Variants in NAF1 observed in about 807,000 individuals in gnomAD.
NAF1 encodes H/ACA ribonucleoprotein complex non-core subunit NAF1.
A neutral mutation model predicts 40.6 loss-of-function variants in NAF1; 11 were observed. The observed-to-expected ratio is 0.27, with a 90% CI of 0.17 to 0.45. The LOEUF (loss-of-function observed/expected upper bound fraction) is 0.45, where lower values mean the gene tolerates loss of function less well. Ranked by LOEUF, NAF1 falls within the 20% of genes least tolerant of loss-of-function variation. The probability of loss-of-function intolerance (pLI) is 1.00; values close to 1 mark genes in which losing one functional copy is unlikely to be tolerated. For missense variants in NAF1, 607 were observed against 611.1 expected, an observed-to-expected ratio of 0.99 and a Z score of 0.07; for synonymous variants, 260 against 228.5, an observed-to-expected ratio of 1.14 and a Z score of -1.24.
At chr4:163,158,767 A>G (rs1194650415) in intron 2 of NAF1, among the ~76,000 whole-genome samples, 1 of 152,112 alleles carries the variant, frequency 6.6e-6, no homozygotes, top group African/African-American at 2.4e-5. Context: ...TTGAGTGCAT[A>G]TTTCATCAAC....
intron 7 of NAF1, among the ~76,000 whole-genome samples, chr4:163,132,497 T>A (rs144536204): frequency 6.6e-6 from 1 of 152,232 alleles, no homozygotes; most frequent in African/African-American, 2.4e-5. Context: ...ACTTCACTTA[T>A]ATAACTTTCT....
At chr4:163,122,568 T>C (rs1488417568), downstream of NAF1, among the ~76,000 whole-genome samples, 2 of 152,246 alleles carry the variant, frequency 1.3e-5, no homozygotes, top group African/African-American at 4.8e-5. Flanking sequence ...TTGGAATTTA[T>C]ATGACTTAAC....
At chr4:163,117,536 C>G (rs1730376154) in intron 2 of NAF1, 1 of 150,980 alleles carries the variant, frequency 6.6e-6, no homozygotes, top group African/African-American at 2.4e-5. Context: ...TTTTTTCATA[C>G]TTTCAAGTAA....
Position 163,144,039 on chromosome 4 carries a change from C to A in NAF1, c.717+1743G>T, listed in dbSNP as rs887344570. ...CACTCCATCAATATAATACAGAGTC[C>A]TCTAGAAAATCATCACATCCTACCA... is the stretch of plus-strand genomic sequence containing the variant. On this transcript the variant is annotated intron_variant, in intron 4 of 7. Coordinates refer to ENST00000274054, the MANE Select transcript of NAF1 (RefSeq NM_138386.3). 4 of 976,464 alleles carry A rather than the reference C, an allele frequency of 4.1e-6. No homozygotes were observed. The African/African-American group carries it at 5.3e-5, about 13-fold the overall frequency. The allele number at this position is 976,464 out of a possible 1,614,324, so 60.5% of individuals were successfully genotyped here.
At chr4:163,122,870 A>G (rs141511825), downstream of NAF1, among the ~76,000 whole-genome samples, 80 of 152,336 alleles carry the variant, frequency 5.3e-4, no homozygotes, top group Admixed American at 2.1e-3. Flanking sequence ...GTGTGAGCCA[A>G]TAAATTTCTG....
downstream of NAF1, among the ~76,000 whole-genome samples, chr4:163,125,522 A>G (rs1730630758): frequency 6.6e-6 from 1 of 152,200 alleles, no homozygotes; most frequent in Non-Finnish European, 1.5e-5. Flanking sequence ...AGCGGGCCCT[A>G]ACTCTCTTCG....
At chr4:163,155,245 T>C (rs1371324760) in intron 2 of NAF1, among the ~76,000 whole-genome samples, 1 of 152,240 alleles carries the variant, frequency 6.6e-6, no homozygotes, top group Admixed American at 6.5e-5. Flanking sequence ...AATATTTCTG[T>C]ATTTACTTAA....
Position 163,166,432 on chromosome 4 carries a change from G to C in NAF1, c.296C>G (p.Pro99Arg). 1 of 1,607,874 alleles carries C rather than the reference G, an allele frequency of 6.2e-7. No homozygotes were observed. Among genetic ancestry groups the C allele is most frequent in the Non-Finnish European group, 8.5e-7 (1 of 1,177,128 alleles). Residue 99 changes from proline to arginine, a missense_variant, in exon 1 of 8, where the codon CCA becomes CGA. Physicochemically the swap from Pro to Arg is moderately radical, Grantham distance 103. This residue lies in a region of NAF1 where 407 missense variants were observed against 365.5 expected (regional missense o/e 1.11). Transcript: ENST00000274054. ...SPACGDCVTS[P>R]GAAEPARAPD... ...CGCCCGCGCAGGCTCTGCGGCTCCTGGGGAGGTGACGCAGTCTCCGCAGGC... is the reference window on the plus strand; with the variant it reads ...CGCCCGCGCAGGCTCTGCGGCTCCTCGGGAGGTGACGCAGTCTCCGCAGGC...
rs770083037 is a variant in NAF1, at chr4:163,128,890, T to C, written c.*7A>G. On this transcript the variant is annotated 3_prime_UTR_variant, in exon 8 of 8. Transcript: ENST00000274054. ...AAGTCCACATTTCTCTGGAAATGCA[T>C]AGTCACCTAATAGTAAGGTCCAAAA... The C allele has an allele frequency of 3.4e-6, 5 of 1,490,286 alleles. No individual in the cohort carries two copies. The highest frequency in any genetic ancestry group is 2.3e-5 in the East Asian group (1 of 43,016). 92.3% of individuals were successfully genotyped at this position (1,490,286 alleles called of 1,614,324 possible). A position where few individuals can be genotyped will look rare whatever the true frequency, so the allele number is the denominator to read the frequency against.
In NAF1 at chr4:163,165,805, T is replaced by TA. The variant is rs1732433245; in HGVS notation, c.365+557dup. ...AAGGGGGAAAGGCTCTCACAAAACG[T>TA]AAGAAGCATAAGATACTACTAAATA... On this transcript the variant is annotated intron_variant, in intron 1 of 7. Transcript: ENST00000274054. Among the ~76,000 whole-genome samples, 3 of 152,248 alleles carry TA rather than the reference T, an allele frequency of 2.0e-5. No individual in the cohort carries two copies. The South Asian group carries it at 6.2e-4, about 32-fold the overall frequency.
At chr4:163,114,295 C>A (rs527984045) in intron 2 of NAF1, among the ~76,000 whole-genome samples, 9 of 152,334 alleles carry the variant, frequency 5.9e-5, no homozygotes, top group Admixed American at 5.9e-4. Flanking sequence ...CTGGGCAGAG[C>A]TAGAAGCTAG....
chr4:163,116,155 T>C (rs76437475), intron 2 of NAF1, among the ~76,000 whole-genome samples: 3,511 of 152,258 alleles, frequency 0.023, 133 homozygotes, highest in African/African-American at 0.065. Context: ...TTGATTGATA[T>C]TGAGTTAATG....
At position 163,153,518 on chromosome 4, in the gene NAF1, G is replaced by GTT. The variant is rs1441049386; in HGVS notation, c.541-5086_541-5085dup. ...ATCGGCACTCTGTATCTAGCTCAAGGTTTGTAAACACACCAATCAGCACCC... is the reference window on the plus strand; with the variant it reads ...ATCGGCACTCTGTATCTAGCTCAAGGTTTTTGTAAACACACCAATCAGCACCC... On this transcript the variant is annotated intron_variant, in intron 2 of 7. Coordinates refer to ENST00000274054, the MANE Select transcript of NAF1 (RefSeq NM_138386.3). 5.3e-5 allele frequency among the ~76,000 whole-genome samples: 8 copies of GTT among 151,622 alleles called. No individual in the cohort carries two copies. In the East Asian group the frequency reaches 1.4e-3, roughly 26 times the overall value.
downstream of NAF1, among the ~76,000 whole-genome samples, chr4:163,127,393 G>A (rs1437901959): frequency 1.3e-5 from 2 of 152,068 alleles, no homozygotes; most frequent in East Asian, 3.9e-4. Context: ...GCCTCCCAAA[G>A]CGCTGGGATT....
chr4:163,122,001 T>C (rs558491713), downstream of NAF1, among the ~76,000 whole-genome samples: 7 of 152,226 alleles, frequency 4.6e-5, no homozygotes, highest in South Asian at 2.1e-4. Flanking sequence ...GTACGAAGCA[T>C]TGAGCCAGTT....
chr4:163,107,056 G>A (rs1033488194), downstream of NAF1, among the ~76,000 whole-genome samples: 3 of 151,624 alleles, frequency 2.0e-5, no homozygotes, highest in African/African-American at 7.3e-5. Flanking sequence ...GTGCAATCTC[G>A]GCTCACTGCA....
chr4:163,110,398 TGTTA>T, intron 2 of NAF1: 1 of 630,636 alleles, frequency 1.6e-6, no homozygotes, highest in Non-Finnish European at 2.8e-6. Context: ...TATTAGTTGT[TGTTA>T]ATCTCTTACT....
At chr4:163,118,569 A>G (rs1409514098) in intron 2 of NAF1, among the ~76,000 whole-genome samples, 2 of 152,168 alleles carry the variant, frequency 1.3e-5, no homozygotes, top group African/African-American at 4.8e-5. Context: ...CCTGGCCAAC[A>G]TGGCGAAACC....
At chr4:163,134,255 C>T (rs952147973) in intron 6 of NAF1, among the ~76,000 whole-genome samples, 10 of 152,102 alleles carry the variant, frequency 6.6e-5, no homozygotes, top group African/African-American at 2.4e-4. Context: ...AAAGCAGGCC[C>T]ACCATATATG....
Sources: allele counts gnomAD v4.1 joint callset (sites outside exome capture counted in the v4.1 genomes callset), GRCh38; gene constraint gnomAD v4.1.1; regional missense constraint gnomAD v4.1.1; transcripts MANE v1.5; gene names NCBI Gene and HGNC (gene_info 2026-07-23, HGNC 2026-07-21).